Variants in MORN1 observed in about 807,000 individuals in gnomAD.
MORN1 encodes MORN repeat-containing protein 1.
In MORN1, 67 loss-of-function variants were observed where a neutral mutation model predicts 61.9. That is an observed-to-expected ratio of 1.08 (90% confidence interval 0.89 to 1.33). MORN1 has a LOEUF of 1.33. MORN1 is among the 40% of genes most tolerant of loss of function. The pLI, the probability that MORN1 is intolerant of heterozygous loss-of-function variation, is 0.00. For synonymous variants in MORN1, 301 were observed against 292.0 expected (o/e 1.03, Z -0.31); for missense variants, 752 against 691.2 (o/e 1.09, Z -0.99).
chr1:2,360,689 G>A (rs1162643955), intron 8 of MORN1, among the ~76,000 whole-genome samples: 1 of 152,070 alleles, frequency 6.6e-6, no homozygotes, highest in Non-Finnish European at 1.5e-5. Flanking sequence ...GCCCTGGAGT[G>A]TTCAGCAGAG....
chr1:2,368,287 G>A (rs536986072), intron 8 of MORN1, among the ~76,000 whole-genome samples: 38 of 152,386 alleles, frequency 2.5e-4, no homozygotes, highest in African/African-American at 8.4e-4. Flanking sequence ...AGGTATGGAA[G>A]CGGCAGGGCT....
chr1:2,355,354 A>T, intron 10 of MORN1: 1 of 1,528,538 alleles, frequency 6.5e-7, no homozygotes. Flanking sequence ...CTGCTGCCCC[A>T]CCTGGGATGC....
At chr1:2,385,422 T>C (rs2100369194) in intron 5 of MORN1, 1 of 409,634 alleles carries the variant, frequency 2.4e-6, no homozygotes, top group Non-Finnish European at 4.5e-6. Flanking sequence ...TGAAGATGCC[T>C]AGCACTTGGG....
rs1451965068 is a variant in MORN1 at position 2,357,432 on chromosome 1, C to A, written c.1036G>T (p.Ala346Ser). ...GQEDTPGGLL[A>S]RGHAPHCPGA... Reference sequence around the variant, plus strand: ...CAACTGGTTTGTGAGCTCCACTTACCAAGCAGGCCACCAGGGGTGTCCTCC... The same window carrying A: ...CAACTGGTTTGTGAGCTCCACTTACAAAGCAGGCCACCAGGGGTGTCCTCC... The change falls in exon 10 of 14, where the codon GCC becomes TCC. Residue 346 changes from alanine to serine, a missense_variant and splice_region_variant. Transcript: ENST00000378531. The surrounding 1 kb of genome is among the most constrained non-coding windows in gnomAD (Gnocchi z 6.3). 1.9e-6 allele frequency: 3 copies of A among 1,598,532 alleles called. No individual in the cohort carries two copies. The Admixed American group carries it at 5.2e-5, about 28-fold the overall frequency.
intron 8 of MORN1, among the ~76,000 whole-genome samples, chr1:2,361,429 G>A (rs560156678): frequency 2.0e-5 from 3 of 152,054 alleles, no homozygotes; most frequent in Non-Finnish European, 2.9e-5. Flanking sequence ...GTGGTGGCAC[G>A]TGTCTGTCAT....
In MORN1 at chr1:2,372,349, G is replaced by T; in HGVS notation, c.745+132C>A. On this transcript the variant is annotated intron_variant, in intron 8 of 13. Coordinates refer to ENST00000378531, the MANE Select transcript of MORN1 (RefSeq NM_024848.3). This position sits in a 1 kb window ranked among gnomAD's most constrained non-coding sequence, Gnocchi z 5.4. ...GGCACACCTGCGACCTCTCTGCCAGGCTCTGGGCACGAAGTCACTGCTGTG... is the reference window on the plus strand; with the variant it reads ...GGCACACCTGCGACCTCTCTGCCAGTCTCTGGGCACGAAGTCACTGCTGTG... 1.5e-6 allele frequency: 1 copy of T among 686,548 alleles called. No homozygotes were observed. The highest frequency in any genetic ancestry group is 2.4e-6 in the Non-Finnish European group (1 of 408,624). 42.5% of individuals were successfully genotyped at this position (686,548 alleles called of 1,614,324 possible).
intron 8 of MORN1, among the ~76,000 whole-genome samples, chr1:2,367,643 T>C (rs1014203127): frequency 2.0e-5 from 3 of 152,000 alleles, no homozygotes; most frequent in African/African-American, 7.2e-5. Context: ...GCTAAAAATA[T>C]GTCATTTTTT....
At position 2,332,459 on chromosome 1, in the gene MORN1, G is replaced by A. The variant is rs373085963; in HGVS notation, c.1250+4010C>T. ...AGTGGGATGGGCGACCCCTGGCCCC[G>A]GACTCACTGCTTCTCCCATTGTCCC... On this transcript the variant is annotated intron_variant, in intron 12 of 13. Transcript: ENST00000378531. 143 of 373,322 alleles carry A rather than the reference G, an allele frequency of 3.8e-4. 1 individual carries two copies. The highest frequency in any genetic ancestry group is 2.4e-3 in the African/African-American group (113 of 47,702). The allele number at this position is 373,322 out of a possible 1,614,324, so 23.1% of individuals were successfully genotyped here. A position where few individuals can be genotyped will look rare whatever the true frequency, so the allele number is the denominator to read the frequency against.
chr1:2,387,332 C>A, intron 4 of MORN1, 87 bp downstream of exon 4: 2 of 979,794 alleles, frequency 2.0e-6, no homozygotes, highest in Non-Finnish European at 3.2e-6. Flanking sequence ...CAGGCCCTCT[C>A]AGAGGTTCCT....
chr1:2,380,223 C>T (rs979795330), intron 6 of MORN1, among the ~76,000 whole-genome samples: 3 of 152,132 alleles, frequency 2.0e-5, no homozygotes, highest in Non-Finnish European at 2.9e-5. Context: ...GGGGTTGGAG[C>T]GTGGGGAGTT....
chr1:2,383,680 A>G (rs1642421473), intron 6 of MORN1, among the ~76,000 whole-genome samples: 1 of 152,080 alleles, frequency 6.6e-6, no homozygotes, highest in Non-Finnish European at 1.5e-5. Context: ...AGAGACCTGC[A>G]CGCGTGGTTC....
At chr1:2,324,877 C>T (rs527505380) in intron 12 of MORN1, among the ~76,000 whole-genome samples, 20 of 152,084 alleles carry the variant, frequency 1.3e-4, no homozygotes, top group African/African-American at 4.1e-4. Context: ...TGGGGCAGGG[C>T]CATGGCCAGG....
chr1:2,328,662 GC>G (rs1446673195), intron 12 of MORN1, among the ~76,000 whole-genome samples: 3 of 152,208 alleles, frequency 2.0e-5, no homozygotes, highest in African/African-American at 7.2e-5. Flanking sequence ...CAGATCTGGG[GC>G]CAGCTTGGAA....
At chr1:2,346,922 C>T in intron 10 of MORN1, among the ~76,000 whole-genome samples, 1 of 152,238 alleles carries the variant, frequency 6.6e-6, no homozygotes, top group East Asian at 1.9e-4. Context: ...CCAGCTCCCA[C>T]TAGCCCTGAA....
intron 10 of MORN1, among the ~76,000 whole-genome samples, chr1:2,349,440 C>T (rs374140202): frequency 5.9e-5 from 9 of 152,336 alleles, no homozygotes; most frequent in South Asian, 2.1e-4. Context: ...TTTAGCCACA[C>T]GCACATCCCG....
intron 10 of MORN1, among the ~76,000 whole-genome samples, chr1:2,346,594 C>T (rs1641520559): frequency 6.6e-6 from 1 of 152,166 alleles, no homozygotes; most frequent in Non-Finnish European, 1.5e-5. Context: ...CCATGTTGCC[C>T]AGGCTGGTCT....
At chr1:2,391,384 A>G (rs1484995746) in intron 1 of MORN1, 74 bp downstream of exon 1, 2 of 1,241,972 alleles carry the variant, frequency 1.6e-6, no homozygotes, top group Admixed American at 4.2e-5. Flanking sequence ...TTGGGGGTCG[A>G]GGGCGTAGAG....
intron 6 of MORN1, among the ~76,000 whole-genome samples, chr1:2,381,474 T>C (rs537673810): frequency 2.6e-5 from 4 of 152,168 alleles, no homozygotes; most frequent in South Asian, 2.1e-4. Context: ...CACACAGCAG[T>C]GTCCCCAGGG....
intron 12 of MORN1, among the ~76,000 whole-genome samples, chr1:2,328,061 G>A (rs375051769): frequency 1.5e-3 from 234 of 152,372 alleles, no homozygotes; most frequent in African/African-American, 5.1e-3. Context: ...AGTGCAGGCC[G>A]AGCAAGGGAC....
Sources: gnomAD v4.1 joint callset for allele counts (sites outside exome capture counted in the v4.1 genomes callset) on GRCh38, gnomAD v4.1.1 for gene constraint, Gnocchi (gnomAD v3.1) non-coding constraint, MANE v1.5 for transcripts, NCBI Gene and HGNC (gene_info 2026-07-23, HGNC 2026-07-21) for gene names.